The following SF3A2 variants were observed in gnomAD, a reference collection of about 807,000 sequenced individuals.
The protein encoded by SF3A2 is SAP 62.
SF3A2 carries 5 observed loss-of-function variants against 31.1 expected under a neutral mutation model. The observed-to-expected ratio is 0.16, with a 90% CI of 0.08 to 0.34. The LOEUF (loss-of-function observed/expected upper bound fraction) is 0.34, where lower values mean the gene tolerates loss of function less well. Among genes scored for constraint, SF3A2 ranks in the 10% least tolerant of loss-of-function variants. The pLI, the probability that SF3A2 is intolerant of heterozygous loss-of-function variation, is 1.00. For missense variants in SF3A2, 577 were observed against 643.9 expected (o/e 0.90, Z 1.13); for synonymous variants, 365 against 263.7 (o/e 1.38, Z -3.72).
chr19:2,243,558 C>T lies in SF3A2; in HGVS notation c.126+14C>T, dbSNP rs186069070. On this transcript the variant is annotated intron_variant, in intron 2 of 8. Transcript: ENST00000221494. ...GACATCAACAAGGTGGGCCAGCCAC[C>T]GTGCAGCTGCCTGTGGTGGGTGCTG... is the stretch of plus-strand genomic sequence containing the variant. 2.1e-3 allele frequency: 3,204 copies of T among 1,536,020 alleles called. 4 individuals are homozygous for T. The highest frequency in any genetic ancestry group is 2.5e-3 in the Non-Finnish European group (2,857 of 1,150,420).
intron 1 of SF3A2, among the ~76,000 whole-genome samples, chr19:2,241,663 T>G (rs983206162): frequency 1.3e-5 from 2 of 152,120 alleles, no homozygotes; most frequent in Non-Finnish European, 2.9e-5. Flanking sequence ...TTCTCCCTGG[T>G]CCTGAAGAAT....
intron 7 of SF3A2, 90 bp downstream of exon 7, chr19:2,247,112 G>A (rs971440217): frequency 2.0e-6 from 3 of 1,534,178 alleles, no homozygotes; most frequent in Non-Finnish European, 1.7e-6. Context: ...CTCCCATCGG[G>A]CTTGGGGTCC....
intron 4 of SF3A2, 96 bp downstream of exon 4, chr19:2,244,875 C>T (rs929024096): frequency 1.6e-6 from 2 of 1,214,720 alleles, no homozygotes; most frequent in African/African-American, 1.5e-5. Flanking sequence ...AGCCGGGGAG[C>T]CAGCCTGGCC....
Position 2,248,515 on chromosome 19 carries a change from G to A in SF3A2, c.1364G>A (p.Gly455Glu). Residue 455 changes from glycine to glutamate, a missense_variant, in exon 9 of 9, where the codon GGG (glycine) becomes GAG (glutamate). Gly to Glu is a moderately conservative substitution (Grantham distance 98). Transcript: ENST00000221494. ...LRPPLPSEGP[G>E]NIPPPPPTN ...CCCCCACTTCCCTCCGAAGGCCCAGGGAACATACCTCCCCCTCCCCCAACC... is the reference window on the plus strand; with the variant it reads ...CCCCCACTTCCCTCCGAAGGCCCAGAGAACATACCTCCCCCTCCCCCAACC... 1 of 1,174,698 alleles carries A rather than the reference G, an allele frequency of 8.5e-7. No individual in the cohort carries two copies. The highest frequency in any genetic ancestry group is 1.1e-6 in the Non-Finnish European group (1 of 906,696). The allele number at this position is 1,174,698 out of a possible 1,614,324, so 72.8% of individuals were successfully genotyped here. A position where few individuals can be genotyped will look rare whatever the true frequency, so the allele number is the denominator to read the frequency against.
rs1233180288 is a variant in SF3A2 at position 2,248,380 on chromosome 19, A to G, written c.1229A>G (p.Gln410Arg). ...CCTCAGGCCCCGGGGGTCCACCCCC[A>G]ACCTCCCGGGGTCCATCCGTCGGCT... ...MHPQAPGVHP[Q>R]PPGVHPSAPG... Residue 410 changes from glutamine to arginine, a missense_variant, in exon 9 of 9, where the codon CAA becomes CGA. Coordinates refer to ENST00000221494, the MANE Select transcript of SF3A2 (RefSeq NM_007165.5). 7.9e-7 allele frequency: 1 copy of G among 1,261,092 alleles called. No homozygotes were observed. The highest frequency in any genetic ancestry group is 9.9e-7 in the Non-Finnish European group (1 of 1,011,270). 78.1% of individuals were successfully genotyped at this position (1,261,092 alleles called of 1,614,324 possible).
Position 2,243,535 on chromosome 19 carries a change from C to T in SF3A2, c.117C>T (p.Asp39=). ...GGCAGCTGGCCCTGGAGACCATCGA[C>T]ATCAACAAGGTGGGCCAGCCACCGT... is the stretch of plus-strand genomic sequence containing the variant. The part of the protein sequence containing the change: ...RLRQLALETI[D]INKDPYFMKN... The change falls in exon 2 of 9, where the codon GAC becomes GAT. Residue 39 remains aspartate, a synonymous_variant. Transcript: ENST00000221494. 6.4e-7 allele frequency: 1 copy of T among 1,550,404 alleles called. No individual in the cohort carries two copies. The highest frequency in any genetic ancestry group is 1.7e-4 in the Middle Eastern group (1 of 5,848).
At chr19:2,244,168 C>T (rs1411209939) in intron 2 of SF3A2, among the ~76,000 whole-genome samples, 1 of 152,054 alleles carries the variant, frequency 6.6e-6, no homozygotes, top group Non-Finnish European at 1.5e-5. Flanking sequence ...GTGCCTGTGT[C>T]TGCCTTGTGC....
intron 1 of SF3A2, among the ~76,000 whole-genome samples, chr19:2,240,213 C>T (rs2024877106): frequency 1.3e-5 from 2 of 152,214 alleles, no homozygotes; most frequent in Admixed American, 1.3e-4. Context: ...GCTGGGCCGC[C>T]TGCCACCTGA....
chr19:2,238,260 G>A (rs1158643109), intron 1 of SF3A2, among the ~76,000 whole-genome samples: 4 of 152,176 alleles, frequency 2.6e-5, no homozygotes, highest in African/African-American at 9.7e-5. Flanking sequence ...CTGACCAGGT[G>A]ATCCACCTGC....
rs1014795957 is a variant in SF3A2 at position 2,245,703 on chromosome 19, G to A, written c.355+148G>A. 1 of 655,274 alleles carries A rather than the reference G, an allele frequency of 1.5e-6. No individual in the cohort carries two copies. The highest frequency in any genetic ancestry group is 2.7e-6 in the Non-Finnish European group (1 of 364,380). 40.6% of individuals were successfully genotyped at this position (655,274 alleles called of 1,614,324 possible). On this transcript the variant is annotated intron_variant, in intron 5 of 8. Transcript: ENST00000221494. The surrounding 1 kb of genome is among the most constrained non-coding windows in gnomAD (Gnocchi z 4.2). ...GGTGGCCGTCCCTCACCCACCTGCAGCCTCTGGCGTTGTGTCTGGGAGCTG... is the reference window on the plus strand; with the variant it reads ...GGTGGCCGTCCCTCACCCACCTGCAACCTCTGGCGTTGTGTCTGGGAGCTG...
At chr19:2,240,843 C>T (rs2024882780) in intron 1 of SF3A2, among the ~76,000 whole-genome samples, 1 of 152,258 alleles carries the variant, frequency 6.6e-6, no homozygotes, top group African/African-American at 2.4e-5. Flanking sequence ...GTGTGGCCAT[C>T]TGCACCTGTC....
rs1406069104 is a variant in SF3A2, at chr19:2,248,241, G to A, written c.1090G>A (p.Val364Ile). 1 of 1,432,796 alleles carries A rather than the reference G, an allele frequency of 7.0e-7. No homozygotes were observed. Among genetic ancestry groups the A allele is most frequent in the East Asian group, 2.6e-5 (1 of 38,838 alleles). 88.8% of individuals were successfully genotyped at this position (1,432,796 alleles called of 1,614,324 possible). A position where few individuals can be genotyped will look rare whatever the true frequency, so the allele number is the denominator to read the frequency against. ...APGVHPPAPG[V>I]HPPPSAGVHP... ...TGGGGTTCACCCACCAGCCCCAGGG[G>A]TCCATCCTCCCCCATCAGCGGGGGT... Residue 364 changes from valine (V) to isoleucine (I), a missense_variant, in exon 9 of 9, where the codon GTC becomes ATC. Val to Ile is a conservative substitution (Grantham distance 29). Around this residue, in one of 6 missense-constraint regions of SF3A2, gnomAD observed 462 missense variants for 339.1 expected, o/e 1.36. Coordinates refer to ENST00000221494, the MANE Select transcript of SF3A2 (RefSeq NM_007165.5).
In SF3A2 at chr19:2,247,619, C is replaced by T. The variant is rs762864351; in HGVS notation, c.572C>T (p.Ala191Val). 1.1e-5 allele frequency: 17 copies of T among 1,613,284 alleles called. No individual in the cohort carries two copies. The highest frequency in any genetic ancestry group is 5.3e-5 in the African/African-American group (4 of 74,880). Residue 191 changes from alanine (A) to valine (V), a missense_variant, in exon 8 of 9, where the codon GCG (alanine) becomes GTG (valine). By Grantham distance (64) the Ala-to-Val change is moderately conservative. Coordinates refer to ENST00000221494, the MANE Select transcript of SF3A2 (RefSeq NM_007165.5). ...FKVPSREIDK[A>V]EGKFWTHWNR... Reference sequence around the variant, plus strand: ...GTGCCGAGCAGAGAGATCGACAAGGCGGAGGGCAAGTTCTGGACACACTGG... The same window carrying T: ...GTGCCGAGCAGAGAGATCGACAAGGTGGAGGGCAAGTTCTGGACACACTGG...
Position 2,236,912 on chromosome 19 carries a change from G to A in SF3A2, c.-38+11G>A, listed in dbSNP as rs1568386550. 6.6e-6 allele frequency: 1 copy of A among 152,192 alleles called. No homozygotes were observed. The allele number at this position is 152,192 out of a possible 1,614,324, so 9.4% of individuals were successfully genotyped here. On this transcript the variant is annotated intron_variant, in intron 1 of 8. Coordinates refer to ENST00000221494, the MANE Select transcript of SF3A2 (RefSeq NM_007165.5). Reference sequence around the variant, plus strand: ...CGGCCTTGGGCTCTGGTGAGGAGTAGAGGCGGTTGAGGGCGGCGGCCGACG... The same window carrying A: ...CGGCCTTGGGCTCTGGTGAGGAGTAAAGGCGGTTGAGGGCGGCGGCCGACG...
rs377510974 is a variant in SF3A2 at position 2,245,580 on chromosome 19, G to T, written c.355+25G>T. 5.7e-5 allele frequency: 84 copies of T among 1,475,770 alleles called. No homozygotes were observed. In the African/African-American group the frequency reaches 9.3e-4, roughly 16 times the overall value. The allele number at this position is 1,475,770 out of a possible 1,614,324, so 91.4% of individuals were successfully genotyped here. A position where few individuals can be genotyped will look rare whatever the true frequency, so the allele number is the denominator to read the frequency against. Reference sequence around the variant, plus strand: ...GGTGAGTCTGCCCGCAGCGGGGCCGGCCACAGCCGCTGCCGTGACATAAGT... The same window carrying T: ...GGTGAGTCTGCCCGCAGCGGGGCCGTCCACAGCCGCTGCCGTGACATAAGT... On this transcript the variant is annotated intron_variant, in intron 5 of 8. Transcript: ENST00000221494. This position sits in a 1 kb window ranked among gnomAD's most constrained non-coding sequence, Gnocchi z 4.2.
chr19:2,237,327 A>G (rs1388310287), intron 1 of SF3A2: 1 of 149,032 alleles, frequency 6.7e-6, no homozygotes, highest in East Asian at 2.0e-4. Context: ...GGATCGCTTG[A>G]GCTCGGAATG....
rs981420248 is a variant in SF3A2 at position 2,248,579 on chromosome 19, C to T, written c.*33C>T. 5 of 668,416 alleles carry T rather than the reference C, an allele frequency of 7.5e-6. No homozygotes were observed. The highest frequency in any genetic ancestry group is 9.0e-6 in the Non-Finnish European group (4 of 445,526). 41.4% of individuals were successfully genotyped at this position (668,416 alleles called of 1,614,324 possible). A position where few individuals can be genotyped will look rare whatever the true frequency, so the allele number is the denominator to read the frequency against. ...CTCCCTCCCCCAGCAAGCCCAGCGC[C>T]AGGTGCTCTTGCCTTTTCCCACTGA... On this transcript the variant is annotated 3_prime_UTR_variant, in exon 9 of 9. Coordinates refer to ENST00000221494, the MANE Select transcript of SF3A2 (RefSeq NM_007165.5).
chr19:2,244,729 C>A lies in SF3A2; in HGVS notation c.199-4C>A. On this transcript the variant is annotated splice_polypyrimidine_tract_variant and splice_region_variant and intron_variant, in intron 3 of 8. Coordinates refer to ENST00000221494, the MANE Select transcript of SF3A2 (RefSeq NM_007165.5). ...GAGTCATGCGTGTTTCCTTTCCACT[C>A]CAGGGGAGCTACCTGGCACATACGC... 1 of 1,614,014 alleles carries A rather than the reference C, an allele frequency of 6.2e-7. No homozygotes were observed. Among genetic ancestry groups the A allele is most frequent in the Non-Finnish European group, 8.5e-7 (1 of 1,179,958 alleles).
Position 2,248,232 on chromosome 19 carries a change from GCCCCAGGGGTCCATCCTC to G in SF3A2, c.1087_1104del (p.Gly363_Pro368del). 1.5e-6 allele frequency: 2 copies of G among 1,340,124 alleles called. No individual in the cohort carries two copies. Among genetic ancestry groups the G allele is most frequent in the South Asian group, 2.8e-5 (2 of 70,944 alleles). The allele number at this position is 1,340,124 out of a possible 1,614,324, so 83.0% of individuals were successfully genotyped here. ...ACCAGCCCCTGGGGTTCACCCACCA[GCCCCAGGGGTCCATCCTC>G]CCCCATCAGCGGGGGTTCACCCCCA... is the stretch of plus-strand genomic sequence containing the variant. On this transcript the variant is annotated inframe_deletion, in exon 9 of 9. Transcript: ENST00000221494.
Sources: gnomAD v4.1 joint callset for allele counts (sites outside exome capture counted in the v4.1 genomes callset) on GRCh38, gnomAD v4.1.1 for gene constraint, gnomAD v4.1.1 regional missense constraint, Gnocchi (gnomAD v3.1) non-coding constraint, MANE v1.5 for transcripts, NCBI Gene and HGNC (gene_info 2026-07-23, HGNC 2026-07-21) for gene names.